The following TUSC3 variants were observed in gnomAD, a reference collection of about 807,000 sequenced individuals.
TUSC3 encodes dolichyl-diphosphooligosaccharide--protein glycosyltransferase subunit TUSC3.
A neutral mutation model predicts 44.8 loss-of-function variants in TUSC3; 45 were observed. The ratio of observed to expected loss-of-function variants is 1.00; its 90% CI spans 0.79 to 1.29. The LOEUF is 1.29. Among genes scored for constraint, TUSC3 ranks in the 50% most tolerant of loss-of-function variants. The pLI is 0.00. For synonymous variants in TUSC3, 212 were observed against 152.9 expected, an observed-to-expected ratio of 1.39 and a Z score of -2.85; for missense variants, 519 against 437.9, an observed-to-expected ratio of 1.19 and a Z score of -1.65.
At chr8:15,767,688 G>T (rs1812368063), downstream of TUSC3, among the ~76,000 whole-genome samples, 1 of 152,092 alleles carries the variant, frequency 6.6e-6, no homozygotes, top group Non-Finnish European at 1.5e-5. Context: ...TCATTCTTAA[G>T]AAATGGTGTT....
At chr8:15,575,159 G>A (rs1436298583) in intron 1 of TUSC3, among the ~76,000 whole-genome samples, 2 of 115,280 alleles carry the variant, frequency 1.7e-5, no homozygotes, top group East Asian at 4.6e-4. Context: ...TGCGATAGAT[G>A]TATTTTTTTT....
rs556592313 is a variant in TUSC3, at chr8:15,599,222, T to A, written c.139-23858T>A. On this transcript the variant is annotated intron_variant, in intron 1 of 10. Transcript: ENST00000503731. ...TTTATGTGCTAGTTTGCTATTTGTA[T>A]ATCTTCTTTGGTGAGATGTCTCTTA... Among the ~76,000 whole-genome samples, 50 of 152,060 alleles carry A rather than the reference T, an allele frequency of 3.3e-4. 1 individual carries two copies. The highest frequency in any genetic ancestry group is 1.2e-3 in the African/African-American group (49 of 41,548).
intron 1 of TUSC3, among the ~76,000 whole-genome samples, chr8:15,583,868 T>G (rs1223883627): frequency 6.6e-6 from 1 of 152,198 alleles, no homozygotes; most frequent in South Asian, 2.1e-4. Context: ...ATTAGAGATC[T>G]TTCTTAAAAT....
the TUSC3 span, among the ~76,000 whole-genome samples, chr8:15,838,234 A>G: frequency 6.6e-6 from 1 of 152,154 alleles, no homozygotes; most frequent in Non-Finnish European, 1.5e-5. Context: ...TATATCATTT[A>G]CCTTTGAGAC....
the TUSC3 span, among the ~76,000 whole-genome samples, chr8:15,827,431 T>C: frequency 1.3e-5 from 2 of 152,164 alleles, no homozygotes; most frequent in Admixed American, 1.3e-4. Flanking sequence ...TGGGATTCAA[T>C]GGGTAGTGTT....
intron 1 of TUSC3, among the ~76,000 whole-genome samples, chr8:15,445,798 G>C (rs558071388): frequency 6.6e-6 from 1 of 152,272 alleles, no homozygotes; most frequent in East Asian, 1.9e-4. Context: ...AACCACCATC[G>C]TCATCATGGC....
rs1585318406 is a variant in TUSC3 at position 15,766,503 on chromosome 8, TC to T, written c.*2348del. On this transcript the variant is annotated 3_prime_UTR_variant, in exon 11 of 11. Transcript: ENST00000503731. Reference sequence around the variant, plus strand: ...TGATTATATGTTTAACAATTGTTTTTCTACTACAGTGGAGAGAAAAATCCCA... The same window carrying T: ...TGATTATATGTTTAACAATTGTTTTTTACTACAGTGGAGAGAAAAATCCCA... 1 of 150,086 alleles carries T rather than the reference TC, an allele frequency of 6.7e-6. No individual in the cohort carries two copies. The highest frequency in any genetic ancestry group is 1.9e-4 in the East Asian group (1 of 5,192). 9.3% of individuals were successfully genotyped at this position (150,086 alleles called of 1,614,324 possible). A position where few individuals can be genotyped will look rare whatever the true frequency, so the allele number is the denominator to read the frequency against.
At chr8:15,460,919 T>C (rs1035793047) in intron 1 of TUSC3, among the ~76,000 whole-genome samples, 5 of 152,234 alleles carry the variant, frequency 3.3e-5, no homozygotes, top group East Asian at 1.9e-4. Context: ...CACCCTGTTT[T>C]GGTGAGTATG....
the TUSC3 span, among the ~76,000 whole-genome samples, chr8:15,805,988 G>A: frequency 6.6e-6 from 1 of 152,120 alleles, no homozygotes; most frequent in Non-Finnish European, 1.5e-5. Context: ...AATCAGTTAT[G>A]AGCCAGAAGT....
chr8:15,544,960 G>A (rs1801814321), intron 1 of TUSC3, among the ~76,000 whole-genome samples: 1 of 151,736 alleles, frequency 6.6e-6, no homozygotes, highest in Admixed American at 6.6e-5. Context: ...CACAGATGAA[G>A]GATAGTTTAT....
intron 2 of TUSC3, among the ~76,000 whole-genome samples, chr8:15,625,735 A>T (rs1178202742): frequency 6.6e-6 from 1 of 152,234 alleles, no homozygotes; most frequent in East Asian, 1.9e-4. Context: ...GTTAGGTGGT[A>T]GAAAGGGAAT....
intron 1 of TUSC3, among the ~76,000 whole-genome samples, chr8:15,420,346 A>C (rs1429798924): frequency 3.9e-5 from 6 of 152,042 alleles, no homozygotes; most frequent in Non-Finnish European, 1.5e-5. Context: ...AAAATAAAAA[A>C]AAATTAGCCG....
chr8:15,754,825 AT>A (rs1811856737), intron 9 of TUSC3, among the ~76,000 whole-genome samples: 1 of 151,940 alleles, frequency 6.6e-6, no homozygotes. Flanking sequence ...ACAATTTTGA[AT>A]TTTATTTAAA....
intron 5 of TUSC3, among the ~76,000 whole-genome samples, chr8:15,670,611 A>C (rs1315475196): frequency 6.6e-6 from 1 of 151,934 alleles, no homozygotes; most frequent in Admixed American, 6.6e-5. Flanking sequence ...GTATCTCCAT[A>C]ATTGGTGGGT....
At chr8:15,781,787 T>C in the TUSC3 span, among the ~76,000 whole-genome samples, 1 of 152,094 alleles carries the variant, frequency 6.6e-6, no homozygotes, top group African/African-American at 2.4e-5. Flanking sequence ...TCCAAACTCA[T>C]CTTATGAGGC....
chr8:15,438,388 G>A lies in TUSC3; in HGVS notation n.91+21083G>A, dbSNP rs117634959. Among the ~76,000 whole-genome samples the A allele has an allele frequency of 3.3e-3, 510 of 152,286 alleles. 2 individuals carry two copies. Among genetic ancestry groups the A allele is most frequent in the African/African-American group, 6.6e-3 (276 of 41,560 alleles). On this transcript the variant is annotated intron_variant and non_coding_transcript_variant, in intron 1 of 5. Coordinates refer to the TUSC3 transcript ENST00000503191. Reference sequence around the variant, plus strand: ...TGGGATTACAGGCGTGAGCCACCGCGCCCAGCCAGGGGTTGTTGTGTTATA... The same window carrying A: ...TGGGATTACAGGCGTGAGCCACCGCACCCAGCCAGGGGTTGTTGTGTTATA...
In TUSC3 at chr8:15,764,898, C is replaced by A. The variant is rs765669487; in HGVS notation, c.*742C>A. ...CTTAAATGTCCTCTGGGAATCCAGA[C>A]TTAAAAATAAGAGCAAACTTAACAC... On this transcript the variant is annotated 3_prime_UTR_variant, in exon 11 of 11. Coordinates refer to ENST00000503731, the MANE Select transcript of TUSC3 (RefSeq NM_006765.4). 6.6e-6 allele frequency: 1 copy of A among 152,038 alleles called. No individual in the cohort carries two copies. The highest frequency in any genetic ancestry group is 1.5e-5 in the Non-Finnish European group (1 of 67,944). 9.4% of individuals were successfully genotyped at this position (152,038 alleles called of 1,614,324 possible).
the TUSC3 span, among the ~76,000 whole-genome samples, chr8:15,805,925 G>C: frequency 6.6e-6 from 1 of 152,120 alleles, no homozygotes; most frequent in African/African-American, 2.4e-5. Flanking sequence ...AGGTATGTTT[G>C]AATTATGGTT....
chr8:15,515,284 C>A (rs1193177012), intron 2 of TUSC3, among the ~76,000 whole-genome samples: 2 of 152,230 alleles, frequency 1.3e-5, no homozygotes, highest in Non-Finnish European at 2.9e-5. Context: ...GCTCTGTCAG[C>A]TGCCAAGATT....
Sources: gnomAD v4.1 joint callset for allele counts (sites outside exome capture counted in the v4.1 genomes callset) on GRCh38, gnomAD v4.1.1 for gene constraint, MANE v1.5 for transcripts, NCBI Gene and HGNC (gene_info 2026-07-23, HGNC 2026-07-21) for gene names.